GRID1: variants seen among roughly 807,000 people sequenced by gnomAD.
The protein encoded by GRID1 is glutamate ionotropic receptor delta type subunit 1, also known as glutamate receptor ionotropic, delta-1.
Under a neutral mutation model 98.0 loss-of-function variants are expected in GRID1, and 28 were observed. That is an observed-to-expected ratio of 0.29 (90% CI 0.21 to 0.39). GRID1 has a LOEUF of 0.39. Among genes scored for constraint, GRID1 ranks in the 10% least tolerant of loss-of-function variants. The pLI is 1.00. For missense variants in GRID1, 1,111 were observed against 1,340.5 expected (o/e 0.83, Z 2.67); for synonymous variants, 553 against 538.5 (o/e 1.03, Z -0.37).
At chr10:86,091,330 C>T (rs765364705) in intron 4 of GRID1, among the ~76,000 whole-genome samples, 8 of 152,026 alleles carry the variant, frequency 5.3e-5, no homozygotes, top group Non-Finnish European at 1.2e-4. Context: ...CTTCAGTTTG[C>T]GTGGGAGTTG....
chr10:85,885,355 A>G (rs980183068), intron 5 of GRID1, among the ~76,000 whole-genome samples: 1 of 152,216 alleles, frequency 6.6e-6, no homozygotes, highest in Admixed American at 6.5e-5. Context: ...CAGCCAGGGT[A>G]TATGGCTGGC....
Position 85,858,607 on chromosome 10 carries a change from C to T in GRID1, c.952-2417G>A, listed in dbSNP as rs73340514. On this transcript the variant is annotated intron_variant, in intron 6 of 15. Transcript: ENST00000327946. Reference sequence around the variant, plus strand: ...GATGGAGATGTTGTTATAAGGAATACAAGCCATTTAGAATTGGTTTGTTGT... The same window carrying T: ...GATGGAGATGTTGTTATAAGGAATATAAGCCATTTAGAATTGGTTTGTTGT... 5.4e-3 allele frequency among the ~76,000 whole-genome samples: 828 copies of T among 152,336 alleles called. 6 individuals are homozygous for T. Among genetic ancestry groups the T allele is most frequent in the African/African-American group, 0.019 (781 of 41,578 alleles).
intron 3 of GRID1, among the ~76,000 whole-genome samples, chr10:86,183,211 T>C (rs1402552614): frequency 1.3e-5 from 2 of 152,336 alleles, no homozygotes; most frequent in African/African-American, 2.4e-5. Context: ...TGTAATCACA[T>C]AGTATATACT....
chr10:85,908,293 G>A (rs1589294950), intron 5 of GRID1, among the ~76,000 whole-genome samples: 1 of 152,072 alleles, frequency 6.6e-6, no homozygotes, highest in African/African-American at 2.4e-5. Flanking sequence ...AAAATCTAAT[G>A]GAATCTATGA....
intron 4 of GRID1, among the ~76,000 whole-genome samples, chr10:85,928,239 G>A (rs181591788): frequency 1.0e-3 from 156 of 152,266 alleles, no homozygotes; most frequent in African/African-American, 3.5e-3. Context: ...GCGGAGGATC[G>A]TTTAGGGCTG....
In GRID1 at chr10:86,365,574, TC is replaced by T. The variant is rs1811973024; in HGVS notation, c.79+739del. Among the ~76,000 whole-genome samples the T allele has an allele frequency of 7.3e-6, 1 of 136,190 alleles. No homozygotes were observed. The highest frequency in any genetic ancestry group is 2.5e-4 in the South Asian group (1 of 4,058). The allele number at this position is 136,190 out of a possible 152,430, so 89.3% of individuals were successfully genotyped here. ...CCCCCCGCTGCCCACGCTTCTTCCCTCGGCTCCCACCACCCAGACCGTCTGG... is the reference window on the plus strand; with the variant it reads ...CCCCCCGCTGCCCACGCTTCTTCCCTGGCTCCCACCACCCAGACCGTCTGG... On this transcript the variant is annotated intron_variant, in intron 1 of 15. Coordinates refer to ENST00000327946, the MANE Select transcript of GRID1 (RefSeq NM_017551.3). This position sits in a 1 kb window ranked among gnomAD's most constrained non-coding sequence, Gnocchi z 4.8.
intron 3 of GRID1, among the ~76,000 whole-genome samples, chr10:86,168,993 C>A (rs1308636062): frequency 6.6e-6 from 1 of 152,156 alleles, no homozygotes; most frequent in Non-Finnish European, 1.5e-5. Context: ...GGCATTGCTC[C>A]CCACTCTCAC....
intron 13 of GRID1, among the ~76,000 whole-genome samples, chr10:85,636,676 A>G (rs181912230): frequency 1.3e-5 from 2 of 152,330 alleles, no homozygotes; most frequent in Admixed American, 1.3e-4. Context: ...GAAAGATATG[A>G]GAAAGTAGAA....
chr10:86,299,245 TA>T (rs1847644900), intron 2 of GRID1, among the ~76,000 whole-genome samples: 1 of 148,486 alleles, frequency 6.7e-6, no homozygotes, highest in Non-Finnish European at 1.5e-5. Flanking sequence ...TCATCCTACA[TA>T]ACATAAACTT....
intron 8 of GRID1, among the ~76,000 whole-genome samples, chr10:85,802,768 G>A (rs556907094): frequency 8.7e-5 from 13 of 149,972 alleles, no homozygotes; most frequent in East Asian, 7.9e-4. Flanking sequence ...AACTGTGACC[G>A]TTGAGAGAAG....
chr10:86,242,431 C>G (rs1208261846), intron 2 of GRID1, among the ~76,000 whole-genome samples: 1 of 152,154 alleles, frequency 6.6e-6, no homozygotes, highest in Non-Finnish European at 1.5e-5. Context: ...ACTTCCCCTC[C>G]CAGGACATCC....
chr10:85,896,096 T>C (rs1033507109), intron 5 of GRID1, among the ~76,000 whole-genome samples: 4 of 152,140 alleles, frequency 2.6e-5, no homozygotes, highest in African/African-American at 9.7e-5. Context: ...CTACTTTACA[T>C]TGTCTTCCAC....
At chr10:85,790,782 C>G (rs573554205) in intron 8 of GRID1, among the ~76,000 whole-genome samples, 6 of 152,170 alleles carry the variant, frequency 3.9e-5, no homozygotes, top group Non-Finnish European at 7.3e-5. Flanking sequence ...CAGGGCCACC[C>G]GGCTTCTCAA....
In GRID1 at chr10:86,067,203, C is replaced by A. The variant is rs183121878; in HGVS notation, c.726+71616G>T. On this transcript the variant is annotated intron_variant, in intron 4 of 15. Transcript: ENST00000327946. ...AAGTACTGATAAGGTGTTAATAAAC[C>A]TTAGCAAATGCTGATTAGAGGCGGC... Among the ~76,000 whole-genome samples, 80 of 152,314 alleles carry A rather than the reference C, an allele frequency of 5.3e-4. 1 individual carries two copies. Among genetic ancestry groups the A allele is most frequent in the Admixed American group, 3.3e-3 (51 of 15,300 alleles).
chr10:86,304,110 G>A (rs942783359), intron 2 of GRID1, among the ~76,000 whole-genome samples: 1 of 152,162 alleles, frequency 6.6e-6, no homozygotes, highest in African/African-American at 2.4e-5. Flanking sequence ...GCATCAAGAG[G>A]GGCCCAAGGG....
chr10:86,018,475 C>T (rs1011515011), intron 4 of GRID1, among the ~76,000 whole-genome samples: 7 of 152,236 alleles, frequency 4.6e-5, no homozygotes, highest in African/African-American at 1.4e-4. Context: ...TCGAGTTACA[C>T]ATGCAGTGTT....
At chr10:85,961,981 A>G (rs1397528521) in intron 4 of GRID1, among the ~76,000 whole-genome samples, 1 of 152,188 alleles carries the variant, frequency 6.6e-6, no homozygotes, top group Non-Finnish European at 1.5e-5. Context: ...AAGGAAGAAA[A>G]GAAGAAAATA....
chr10:85,653,481 G>T (rs751199094), intron 12 of GRID1, among the ~76,000 whole-genome samples: 5 of 152,206 alleles, frequency 3.3e-5, no homozygotes, highest in Non-Finnish European at 7.3e-5. Context: ...TGGCCAAGGA[G>T]CCAGCTTATG....
intron 8 of GRID1, among the ~76,000 whole-genome samples, chr10:85,772,416 GA>G (rs1413300764): frequency 6.7e-6 from 1 of 150,344 alleles, no homozygotes; most frequent in Non-Finnish European, 1.5e-5. Context: ...AAAAGAACTA[GA>G]AAAGCAAGAG....
Sources: gnomAD v4.1 joint callset for allele counts (sites outside exome capture counted in the v4.1 genomes callset) on GRCh38, gnomAD v4.1.1 for gene constraint, Gnocchi (gnomAD v3.1) non-coding constraint, MANE v1.5 for transcripts, NCBI Gene and HGNC (gene_info 2026-07-23, HGNC 2026-07-21) for gene names.